TJAP1: variants seen among roughly 807,000 people sequenced by gnomAD.
TJAP1 encodes the protein tight junction associated protein 1, also known as tight junction-associated protein 1.
In TJAP1, 27 loss-of-function variants were observed where a neutral mutation model predicts 42.0. That is an observed-to-expected ratio of 0.64 (90% CI 0.47 to 0.89). The LOEUF is 0.89. Ranked by LOEUF, TJAP1 falls within the 40% of genes least tolerant of loss-of-function variation. The probability of loss-of-function intolerance (pLI) is 0.00; values close to 1 mark genes in which losing one functional copy is unlikely to be tolerated. For missense variants in TJAP1, 712 were observed against 726.9 expected (o/e 0.98, Z 0.24); for synonymous variants, 257 against 288.4 (o/e 0.89, Z 1.10).
At chr6:43,488,896 C>T (rs1787165225) in intron 2 of TJAP1, among the ~76,000 whole-genome samples, 1 of 152,178 alleles carries the variant, frequency 6.6e-6, no homozygotes, top group Admixed American at 6.5e-5. Context: ...GGAAGTGTTT[C>T]CTGTCTGCGT....
rs762962213 is a variant in TJAP1, at chr6:43,500,777, G to T, written c.128+5G>T. The stretch of plus-strand genomic sequence containing the variant: ...GACTGATGCAGAAAGGATGAAGTGA[G>T]TATCTGCTACCTGAGATACTGCCCT... On this transcript the variant is annotated splice_donor_5th_base_variant and intron_variant, in intron 5 of 10. Transcript: ENST00000372449. The T allele has an allele frequency of 6.2e-7, 1 of 1,614,134 alleles. No individual in the cohort carries two copies. Among genetic ancestry groups the T allele is most frequent in the Non-Finnish European group, 8.5e-7 (1 of 1,180,008 alleles).
At chr6:43,501,911 ACACACACACACACACACTCTCTCT>A (rs1790805778) in intron 6 of TJAP1, among the ~76,000 whole-genome samples, 1 of 127,420 alleles carries the variant, frequency 7.8e-6, no homozygotes, top group African/African-American at 3.1e-5. Context: ...ACACACACAC[ACACACACACACACACACTCTCTCT>A]CTCTCTCTCT....
At position 43,501,558 on chromosome 6, in the gene TJAP1, G is replaced by T. The variant is rs376480261; in HGVS notation, c.161G>T (p.Arg54Leu). 1.9e-5 allele frequency: 30 copies of T among 1,613,710 alleles called. No homozygotes were observed. Among genetic ancestry groups the T allele is most frequent in the Non-Finnish European group, 2.5e-5 (30 of 1,180,024 alleles). The change falls in exon 6 of 11, where the codon CGG (arginine) becomes CTG (leucine). Residue 54 changes from arginine (R) to leucine (L), a missense_variant. Transcript: ENST00000372449. Reference sequence around the variant, plus strand: ...CAGGAGGAGAATGAAGAGCTTCGCCGGCGCCTGGCCTCCGCCACCAGACGC... The same window carrying T: ...CAGGAGGAGAATGAAGAGCTTCGCCTGCGCCTGGCCTCCGCCACCAGACGC...
At chr6:43,494,495 C>G (rs1407385602) in intron 2 of TJAP1, among the ~76,000 whole-genome samples, 1 of 151,668 alleles carries the variant, frequency 6.6e-6, no homozygotes, top group African/African-American at 2.4e-5. Context: ...TAACCTAGGC[C>G]TCAACCTTTC....
chr6:43,482,677 T>C (rs1785560547), intron 2 of TJAP1, among the ~76,000 whole-genome samples: 1 of 152,250 alleles, frequency 6.6e-6, no homozygotes, highest in African/African-American at 2.4e-5. Context: ...CTATGTCTTA[T>C]TCACTACTGT....
intron 4 of TJAP1, among the ~76,000 whole-genome samples, chr6:43,499,886 G>C (rs1790113565): frequency 6.6e-6 from 1 of 152,222 alleles, no homozygotes; most frequent in African/African-American, 2.4e-5. Context: ...TAAGATGCCA[G>C]CTATTATGCT....
At chr6:43,477,571 C>T, upstream of TJAP1, 1 of 152,364 alleles carries the variant, frequency 6.6e-6, no homozygotes, top group East Asian at 1.9e-4. Flanking sequence ...GCCCTGGCCA[C>T]TACCCGGCCT....
Position 43,505,338 on chromosome 6 carries a change from C to G in TJAP1, c.1157C>G (p.Pro386Arg), listed in dbSNP as rs1258720985. 1.9e-6 allele frequency: 3 copies of G among 1,609,320 alleles called. No individual in the cohort carries two copies. Among genetic ancestry groups the G allele is most frequent in the South Asian group, 2.2e-5 (2 of 90,992 alleles). The change falls in exon 11 of 11, where the codon CCC becomes CGC. Residue 386 changes from proline to arginine, a missense_variant. Transcript: ENST00000372449. The surrounding 1 kb of genome is among the most constrained non-coding windows in gnomAD (Gnocchi z 5.5). ...ACCCCTGCCTCAGCCCAGGCCTCAC[C>G]CCACCACCAGCCCAGCCCAGCACCC...
At chr6:43,504,822 G>T in exon 11 of TJAP1, 2 of 1,614,238 alleles carry the variant, frequency 1.2e-6, no homozygotes, top group African/African-American at 1.3e-5. Context: ...GAGGCCGCCA[G>T]CCCAGGTCCT....
At chr6:43,497,385 C>T (rs1275732668) in intron 2 of TJAP1, 2 of 152,246 alleles carry the variant, frequency 1.3e-5, no homozygotes, top group Non-Finnish European at 1.5e-5. Flanking sequence ...TTGCAAAGGC[C>T]GGTGACCATC....
At chr6:43,502,812 G>A in intron 8 of TJAP1, 195 bp downstream of exon 8, 1 of 671,748 alleles carries the variant, frequency 1.5e-6, no homozygotes, top group Non-Finnish European at 2.6e-6. Flanking sequence ...CTCTGCCCTT[G>A]GCTCTGGTAG....
chr6:43,501,706 A>G lies in TJAP1; in HGVS notation c.290+19A>G, dbSNP rs1300944278. 7.9e-6 allele frequency: 5 copies of G among 635,382 alleles called. No homozygotes were observed. The highest frequency in any genetic ancestry group is 1.4e-5 in the Non-Finnish European group (5 of 349,552). The allele number at this position is 635,382 out of a possible 1,614,324, so 39.4% of individuals were successfully genotyped here. A position where few individuals can be genotyped will look rare whatever the true frequency, so the allele number is the denominator to read the frequency against. ...TCCGCAGGTGTGGGAATGAGGGGCC[A>G]GACACACACACACACACACACACAC... On this transcript the variant is annotated intron_variant, in intron 6 of 10. Transcript: ENST00000372449.
chr6:43,502,785 G>GCA, intron 8 of TJAP1, 168 bp downstream of exon 8: 1 of 791,426 alleles, frequency 1.3e-6, no homozygotes, highest in Non-Finnish European at 2.1e-6. Context: ...CAGGAGAGAG[G>GCA]TGGGGAGCCT....
At chr6:43,493,827 A>G (rs140437323) in intron 2 of TJAP1, among the ~76,000 whole-genome samples, 2 of 152,268 alleles carry the variant, frequency 1.3e-5, no homozygotes, top group African/African-American at 2.4e-5. Flanking sequence ...AGCAACAGCA[A>G]TCTTCCACCA....
chr6:43,498,827 C>T, intron 3 of TJAP1, 151 bp from the exon 4 acceptor site: 1 of 729,306 alleles, frequency 1.4e-6, no homozygotes, highest in South Asian at 1.8e-5. Flanking sequence ...ACACCTAAGT[C>T]CTGCCCCTCT....
At chr6:43,480,860 T>C (rs1581875379) in intron 2 of TJAP1, among the ~76,000 whole-genome samples, 1 of 152,292 alleles carries the variant, frequency 6.6e-6, no homozygotes, top group East Asian at 1.9e-4. Context: ...TAACTTATTA[T>C]CCCTGTCTTA....
intron 2 of TJAP1, among the ~76,000 whole-genome samples, chr6:43,494,524 C>G (rs1157401885): frequency 7.1e-6 from 1 of 141,666 alleles, no homozygotes; most frequent in Non-Finnish European, 1.5e-5. Flanking sequence ...CATAGCTGTT[C>G]TTACAGAACA....
intron 2 of TJAP1, among the ~76,000 whole-genome samples, chr6:43,480,541 G>A (rs948815727): frequency 6.6e-6 from 1 of 151,250 alleles, no homozygotes; most frequent in African/African-American, 2.4e-5. Flanking sequence ...TTTTTGAGAC[G>A]AAGTCTCGTT....
chr6:43,479,725 AT>A (rs1784919637), intron 2 of TJAP1, among the ~76,000 whole-genome samples: 1 of 152,230 alleles, frequency 6.6e-6, no homozygotes. Flanking sequence ...TAATTCTAGC[AT>A]TTTGGGAGGC....
Sources: allele counts gnomAD v4.1 joint callset (sites outside exome capture counted in the v4.1 genomes callset), GRCh38; gene constraint gnomAD v4.1.1; non-coding constraint Gnocchi (gnomAD v3.1); transcripts MANE v1.5; gene names NCBI Gene and HGNC (gene_info 2026-07-23, HGNC 2026-07-21).